Variants in CALN1 observed in about 807,000 individuals in gnomAD.
CALN1 encodes calneuron 1, also known as calcium-binding protein 8.
In CALN1, 17 loss-of-function variants were observed where a neutral mutation model predicts 30.6. The observed-to-expected ratio is 0.56, with a 90% CI of 0.38 to 0.83. CALN1 has a LOEUF of 0.83. Among genes scored for constraint, CALN1 ranks in the 40% least tolerant of loss-of-function variants. The pLI is 0.00. For synonymous variants in CALN1, 156 were observed against 131.4 expected (o/e 1.19, Z -1.28); for missense variants, 291 against 354.9 (o/e 0.82, Z 1.45).
intron 5 of CALN1, among the ~76,000 whole-genome samples, chr7:71,916,727 C>T (rs1584505637): frequency 6.6e-6 from 1 of 152,008 alleles, no homozygotes; most frequent in East Asian, 1.9e-4. Flanking sequence ...ATGATCTGTG[C>T]AGCAAACCAC....
chr7:72,259,952 C>T (rs1414634645), intron 3 of CALN1, among the ~76,000 whole-genome samples: 2 of 152,216 alleles, frequency 1.3e-5, no homozygotes, highest in African/African-American at 2.4e-5. Flanking sequence ...TATACCTTGT[C>T]CAGTCTTCCC....
intron 3 of CALN1, among the ~76,000 whole-genome samples, chr7:72,271,576 ATATATATATAT>A (rs1403598814): frequency 1.9e-5 from 1 of 51,754 alleles, no homozygotes; most frequent in Non-Finnish European, 3.4e-5. Flanking sequence ...AAAAAAAAAA[ATATATATATAT>A]ATATATAGTT....
At chr7:72,417,864 A>T (rs906319596) in intron 1 of CALN1, among the ~76,000 whole-genome samples, 11 of 152,158 alleles carry the variant, frequency 7.2e-5, no homozygotes, top group African/African-American at 2.7e-4. Context: ...AGCCCCATGC[A>T]GGGAATCACT....
chr7:72,084,389 T>A (rs1297572356), intron 4 of CALN1, among the ~76,000 whole-genome samples: 5 of 142,150 alleles, frequency 3.5e-5, no homozygotes, highest in African/African-American at 1.4e-4. Context: ...TAGTAAAATT[T>A]TTTTTTTTTT....
At chr7:72,149,099 C>T (rs1289098294) in intron 3 of CALN1, among the ~76,000 whole-genome samples, 1 of 152,120 alleles carries the variant, frequency 6.6e-6, no homozygotes, top group Non-Finnish European at 1.5e-5. Flanking sequence ...AGTATAAGCT[C>T]CCTGAGTCCT....
In CALN1 at chr7:72,374,531, CA is replaced by C. The variant is rs200948574; in HGVS notation, c.119+28719del. Among the ~76,000 whole-genome samples, 329 of 50,460 alleles carry C rather than the reference CA, an allele frequency of 6.5e-3. 1 individual carries two copies. The highest frequency in any genetic ancestry group is 0.019 in the East Asian group (37 of 1,910). 33.1% of individuals were successfully genotyped at this position (50,460 alleles called of 152,430 possible). A position where few individuals can be genotyped will look rare whatever the true frequency, so the allele number is the denominator to read the frequency against. ...GGGTGACAGAGAGACACTCTGTCTCCAAAAAAAAAAAAAAAAGGAAAAAAAA... is the reference window on the plus strand; with the variant it reads ...GGGTGACAGAGAGACACTCTGTCTCCAAAAAAAAAAAAAAAGGAAAAAAAA... On this transcript the variant is annotated intron_variant, in intron 2 of 6. Transcript: ENST00000395275.
At chr7:72,068,915 T>G (rs4717626) in intron 4 of CALN1, among the ~76,000 whole-genome samples, 74,728 of 152,092 alleles carry the variant, frequency 0.49, 18,629 homozygotes, top group East Asian at 0.65. Context: ...AATGCCATTT[T>G]TATTATTGTG....
At chr7:72,128,420 C>T (rs1037054432) in intron 3 of CALN1, among the ~76,000 whole-genome samples, 2 of 152,006 alleles carry the variant, frequency 1.3e-5, no homozygotes, top group Non-Finnish European at 2.9e-5. Context: ...ACAATTTATA[C>T]CAAAATACAT....
chr7:71,951,645 A>G (rs1796697822), intron 5 of CALN1, among the ~76,000 whole-genome samples: 1 of 152,138 alleles, frequency 6.6e-6, no homozygotes, highest in Admixed American at 6.6e-5. Flanking sequence ...GAATAACAGA[A>G]ACAAGTTTTT....
intron 3 of CALN1, among the ~76,000 whole-genome samples, chr7:72,254,181 G>C (rs1268842011): frequency 6.6e-6 from 1 of 152,078 alleles, no homozygotes; most frequent in Admixed American, 6.6e-5. Context: ...TCGGTGCTGC[G>C]CTGTCTCTCT....
chr7:72,344,121 AAG>A (rs1490224689), intron 2 of CALN1, among the ~76,000 whole-genome samples: 1 of 152,000 alleles, frequency 6.6e-6, no homozygotes, highest in East Asian at 1.9e-4. Context: ...TTCAGAAAGG[AAG>A]AGAGAGACAG....
intron 4 of CALN1, among the ~76,000 whole-genome samples, chr7:72,045,456 G>A (rs1802405437): frequency 6.6e-6 from 1 of 152,194 alleles, no homozygotes; most frequent in Non-Finnish European, 1.5e-5. Flanking sequence ...TACATGGGAA[G>A]AAGTTTCAGC....
At chr7:71,895,342 C>T (rs1433323367) in intron 5 of CALN1, among the ~76,000 whole-genome samples, 4 of 152,066 alleles carry the variant, frequency 2.6e-5, no homozygotes, top group African/African-American at 9.7e-5. Flanking sequence ...CAGAGTCTCG[C>T]TCTGTTGCTC....
At chr7:71,789,041 C>T (rs1433657042) in intron 6 of CALN1, among the ~76,000 whole-genome samples, 1 of 152,044 alleles carries the variant, frequency 6.6e-6, no homozygotes, top group Non-Finnish European at 1.5e-5. Flanking sequence ...GAGCTCAAGC[C>T]ACCCTCCTGC....
Position 71,836,126 on chromosome 7 carries a change from C to A in CALN1, c.502-25634G>T, listed in dbSNP as rs565389643. ...ATGAATACATGAGACAGACCTGACC[C>A]AATTTCCTCTAGAAGCAGAGCCTCC... On this transcript the variant is annotated intron_variant, in intron 5 of 6. Transcript: ENST00000395275. Among the ~76,000 whole-genome samples, 5 of 152,304 alleles carry A rather than the reference C, an allele frequency of 3.3e-5. No individual in the cohort carries two copies. The South Asian group carries it at 8.3e-4, about 25-fold the overall frequency.
At chr7:71,860,755 G>A (rs1223404703) in intron 5 of CALN1, among the ~76,000 whole-genome samples, 1 of 152,168 alleles carries the variant, frequency 6.6e-6, no homozygotes, top group East Asian at 1.9e-4. Context: ...GAGGTTGAAA[G>A]TGAAAGACAG....
At chr7:72,335,171 A>G (rs1174608657) in intron 2 of CALN1, among the ~76,000 whole-genome samples, 1 of 152,186 alleles carries the variant, frequency 6.6e-6, no homozygotes, top group African/African-American at 2.4e-5. Context: ...CCACCCCACA[A>G]AAAATGAAAT....
chr7:72,226,890 A>G (rs2129550302), intron 3 of CALN1, among the ~76,000 whole-genome samples: 1 of 152,178 alleles, frequency 6.6e-6, no homozygotes, highest in African/African-American at 2.4e-5. Flanking sequence ...AAAAACAATT[A>G]GCCACGCATG....
chr7:71,978,233 T>A (rs999556481), intron 5 of CALN1, among the ~76,000 whole-genome samples: 1 of 148,744 alleles, frequency 6.7e-6, no homozygotes, highest in African/African-American at 2.5e-5. Context: ...TGAGTCAGTA[T>A]TGCAAAAACT....
Sources: allele counts gnomAD v4.1 joint callset (sites outside exome capture counted in the v4.1 genomes callset), GRCh38; gene constraint gnomAD v4.1.1; transcripts MANE v1.5; gene names NCBI Gene and HGNC (gene_info 2026-07-23, HGNC 2026-07-21).